AP2B1: variants seen among roughly 807,000 people sequenced by gnomAD.
AP2B1 encodes AP-2 complex subunit beta.
In AP2B1, 23 loss-of-function variants were observed where a neutral mutation model predicts 102.0. That is an observed-to-expected ratio of 0.23 (90% CI 0.16 to 0.32). The LOEUF is 0.32. Ranked by LOEUF, AP2B1 falls within the 10% of genes least tolerant of loss-of-function variation. The probability of loss-of-function intolerance (pLI) is 1.00; values close to 1 mark genes in which losing one functional copy is unlikely to be tolerated. For synonymous variants in AP2B1, 381 were observed against 421.2 expected, an observed-to-expected ratio of 0.90 and a Z score of 1.17; for missense variants, 541 against 1,157.4, an observed-to-expected ratio of 0.47 and a Z score of 7.73.
In AP2B1 at chr17:35,639,510, T is replaced by C. The variant is rs2074706646; in HGVS notation, c.1272-85T>C. ...TTTGGTGGTTTGGTTTAGGGTCCCT[T>C]GTTTGTGGTTTTGCCTTTAGCCTTC... On this transcript the variant is annotated intron_variant, in intron 10 of 21. Transcript: ENST00000610402. The C allele has an allele frequency of 6.3e-6, 8 of 1,279,108 alleles. No individual in the cohort carries two copies. In the South Asian group the frequency reaches 1.2e-4, roughly 19 times the overall value. 79.2% of individuals were successfully genotyped at this position (1,279,108 alleles called of 1,614,324 possible).
intron 14 of AP2B1, among the ~76,000 whole-genome samples, chr17:35,658,347 T>C (rs1271133375): frequency 6.6e-6 from 1 of 151,924 alleles, no homozygotes; most frequent in Non-Finnish European, 1.5e-5. Flanking sequence ...ATTGGTTCTT[T>C]TTTTCCCTTC....
chr17:35,717,399 A>C (rs781919134), intron 21 of AP2B1, 50 bp downstream of exon 21: 1 of 1,604,682 alleles, frequency 6.2e-7, no homozygotes, highest in East Asian at 2.2e-5. Flanking sequence ...GGGAGGTGAG[A>C]GCCCTTTCAT....
chr17:35,623,251 T>C (rs537925024), intron 5 of AP2B1, among the ~76,000 whole-genome samples: 1 of 152,240 alleles, frequency 6.6e-6, no homozygotes, highest in Admixed American at 6.5e-5. Flanking sequence ...AGGATACAAG[T>C]GTACTTTCTA....
At chr17:35,605,100 C>T (rs375170220) in intron 3 of AP2B1, among the ~76,000 whole-genome samples, 45 of 152,056 alleles carry the variant, frequency 3.0e-4, no homozygotes, top group African/African-American at 1.1e-3. Flanking sequence ...GAGAGGATCT[C>T]GCCATGTTGT....
At chr17:35,708,734 C>T (rs1359154739) in intron 18 of AP2B1, among the ~76,000 whole-genome samples, 2 of 152,062 alleles carry the variant, frequency 1.3e-5, no homozygotes, top group African/African-American at 2.4e-5. Flanking sequence ...CAAGGTTTAG[C>T]GTCAAGTTTC....
chr17:35,680,697 T>G (rs201987703), intron 17 of AP2B1, among the ~76,000 whole-genome samples: 376 of 36,614 alleles, frequency 0.01, 2 homozygotes, highest in Non-Finnish European at 0.019. Flanking sequence ...TTTTTTTTTT[T>G]TTGTTTTTTT....
At position 35,642,056 on chromosome 17, in the gene AP2B1, C is replaced by A. The variant is rs2074797406; in HGVS notation, c.1536+81C>A. 5 of 1,028,504 alleles carry A rather than the reference C, an allele frequency of 4.9e-6. No homozygotes were observed. In the East Asian group the frequency reaches 7.3e-5, roughly 15 times the overall value. The allele number at this position is 1,028,504 out of a possible 1,614,324, so 63.7% of individuals were successfully genotyped here. On this transcript the variant is annotated intron_variant, in intron 12 of 21. Coordinates refer to ENST00000610402, the MANE Select transcript of AP2B1 (RefSeq NM_001030006.2). ...ATTATGAAACTCTTCCTAGGGGATT[C>A]ATTTGGGGAAGCTTTATTTGAAGGA...
intron 4 of AP2B1, among the ~76,000 whole-genome samples, chr17:35,606,276 G>C (rs917676434): frequency 6.7e-6 from 1 of 148,520 alleles, no homozygotes; most frequent in Non-Finnish European, 1.5e-5. Flanking sequence ...GTCTCACTCT[G>C]TCACCGAGGC....
chr17:35,712,053 G>A (rs1470904366), intron 20 of AP2B1, among the ~76,000 whole-genome samples: 2 of 152,208 alleles, frequency 1.3e-5, no homozygotes, highest in African/African-American at 4.8e-5. Flanking sequence ...GGAGCTCTTG[G>A]AGAGGTGTTT....
At chr17:35,690,939 C>G (rs1391844443) in intron 18 of AP2B1, among the ~76,000 whole-genome samples, 3 of 152,090 alleles carry the variant, frequency 2.0e-5, no homozygotes, top group Non-Finnish European at 4.4e-5. Flanking sequence ...TAATTAGGAA[C>G]CTTAGAGGTG....
At chr17:35,693,466 C>G (rs913465254) in intron 18 of AP2B1, among the ~76,000 whole-genome samples, 1 of 152,074 alleles carries the variant, frequency 6.6e-6, no homozygotes, top group African/African-American at 2.4e-5. Context: ...AAACATACTC[C>G]GTCTGAATTT....
chr17:35,602,293 A>G, intron 3 of AP2B1, among the ~76,000 whole-genome samples: 1 of 152,254 alleles, frequency 6.6e-6, no homozygotes, highest in Middle Eastern at 3.2e-3. Flanking sequence ...TTTAAAGGCA[A>G]TACGAGTTCT....
At chr17:35,665,911 T>G (rs2075454473) in intron 14 of AP2B1, among the ~76,000 whole-genome samples, 1 of 152,236 alleles carries the variant, frequency 6.6e-6, no homozygotes, top group Admixed American at 6.5e-5. Context: ...TGATAATTTG[T>G]GGGATTTTTT....
At chr17:35,720,635 C>T (rs2085360512) in intron 21 of AP2B1, among the ~76,000 whole-genome samples, 1 of 121,010 alleles carries the variant, frequency 8.3e-6, no homozygotes, top group Non-Finnish European at 1.6e-5. Context: ...GTTGTGCAGG[C>T]TATCTCAAAC....
At chr17:35,621,394 G>T (rs151018764) in intron 5 of AP2B1, 5 of 942,694 alleles carry the variant, frequency 5.3e-6, no homozygotes, top group African/African-American at 1.8e-5. Context: ...TGCTAAAAAT[G>T]TAACAGTCTG....
At chr17:35,712,129 A>AT (rs1194666664) in intron 20 of AP2B1, among the ~76,000 whole-genome samples, 3 of 151,844 alleles carry the variant, frequency 2.0e-5, no homozygotes, top group Non-Finnish European at 4.4e-5. Flanking sequence ...GTAATAATTG[A>AT]TTTTTTTCAT....
At chr17:35,674,489 G>A (rs1463263605) in intron 17 of AP2B1, among the ~76,000 whole-genome samples, 168 bp downstream of exon 17, 1 of 152,132 alleles carries the variant, frequency 6.6e-6, no homozygotes, top group East Asian at 1.9e-4. Flanking sequence ...GATTACCTGA[G>A]GTCAGGGGTT....
intron 18 of AP2B1, among the ~76,000 whole-genome samples, chr17:35,683,365 C>G (rs941890070): frequency 6.6e-6 from 1 of 152,040 alleles, no homozygotes; most frequent in Non-Finnish European, 1.5e-5. Context: ...TTTTTCTTAA[C>G]TTCTTATTTG....
At position 35,709,230 on chromosome 17, in the gene AP2B1, G is replaced by C; in HGVS notation, c.2461G>C (p.Val821Leu). The change falls in exon 19 of 22, where the codon GTG (valine) becomes CTG (leucine). Residue 821 changes from valine to leucine, a missense_variant. Around this residue, in one of 10 missense-constraint regions of AP2B1, gnomAD observed 117 missense variants for 206.7 expected, o/e 0.57. Coordinates refer to ENST00000610402, the MANE Select transcript of AP2B1 (RefSeq NM_001030006.2). ...MEPLNNLQVA[V>L]KNNIDVFYFS... Reference sequence around the variant, plus strand: ...CTTGTTGCTTTCCTGGCAGGTGGCTGTGAAAAACAATATCGATGTCTTCTA... The same window carrying C: ...CTTGTTGCTTTCCTGGCAGGTGGCTCTGAAAAACAATATCGATGTCTTCTA... 6.2e-7 allele frequency: 1 copy of C among 1,614,046 alleles called. No individual in the cohort carries two copies.
Sources: gnomAD v4.1 joint callset for allele counts (sites outside exome capture counted in the v4.1 genomes callset) on GRCh38, gnomAD v4.1.1 for gene constraint, gnomAD v4.1.1 regional missense constraint, MANE v1.5 for transcripts, NCBI Gene and HGNC (gene_info 2026-07-23, HGNC 2026-07-21) for gene names.